The following ELP4 variants were observed in gnomAD, a reference collection of about 807,000 sequenced individuals.
ELP4 encodes the protein elongator acetyltransferase complex subunit 4, also known as elongator complex protein 4.
Under a neutral mutation model 48.9 loss-of-function variants are expected in ELP4, and 51 were observed. That is an observed-to-expected ratio of 1.04 (90% CI 0.83 to 1.32). The LOEUF (loss-of-function observed/expected upper bound fraction) is 1.32, where lower values mean the gene tolerates loss of function less well. Ranked by LOEUF, ELP4 falls within the 40% of genes most tolerant of loss-of-function variation. The pLI, the probability that ELP4 is intolerant of heterozygous loss-of-function variation, is 0.00. For synonymous variants in ELP4, 210 were observed against 189.2 expected (o/e 1.11, Z -0.90); for missense variants, 519 against 514.6 (o/e 1.01, Z -0.08).
intron 3 of ELP4, among the ~76,000 whole-genome samples, chr11:31,541,135 A>T (rs573196647): frequency 1.3e-5 from 2 of 152,384 alleles, no homozygotes; most frequent in Non-Finnish European, 2.9e-5. Context: ...CATAATAAAT[A>T]CTAATTCATA....
chr11:31,539,398 A>G (rs1408274437), intron 2 of ELP4, among the ~76,000 whole-genome samples: 3 of 152,134 alleles, frequency 2.0e-5, no homozygotes, highest in Non-Finnish European at 4.4e-5. Flanking sequence ...GCTTGCAGTG[A>G]GCCGAGATTG....
chr11:31,594,685 T>C, intron 3 of ELP4, 85 bp from the exon 4 acceptor site: 1 of 866,598 alleles, frequency 1.2e-6, no homozygotes, highest in Non-Finnish European at 1.7e-6. Flanking sequence ...ACATTGGAAA[T>C]TTCTAGTGTT....
chr11:31,511,932 G>C (rs1408970675), intron 1 of ELP4: 1 of 152,176 alleles, frequency 6.6e-6, no homozygotes, highest in Admixed American at 6.5e-5. Context: ...AACAGTATTG[G>C]TTGTTGAATA....
At chr11:31,738,595 G>A (rs1947374275) in intron 9 of ELP4, among the ~76,000 whole-genome samples, 1 of 152,038 alleles carries the variant, frequency 6.6e-6, no homozygotes, top group Non-Finnish European at 1.5e-5. Flanking sequence ...AGTTTGCCGA[G>A]CATGGTGGAA....
In ELP4 at chr11:31,758,491, C is replaced by T. The variant is rs1228730282; in HGVS notation, c.1144-24902C>T. Among the ~76,000 whole-genome samples, 3 of 152,254 alleles carry T rather than the reference C, an allele frequency of 2.0e-5. No individual in the cohort carries two copies. In the East Asian group the frequency reaches 5.8e-4, roughly 29 times the overall value. ...TGCCCTGTGTTTCAACTGGACTAGACTATTATGACCATGGACGTTGTCAAC... is the reference window on the plus strand; with the variant it reads ...TGCCCTGTGTTTCAACTGGACTAGATTATTATGACCATGGACGTTGTCAAC... On this transcript the variant is annotated intron_variant, in intron 9 of 9. Transcript: ENST00000640961.
intron 3 of ELP4, among the ~76,000 whole-genome samples, chr11:31,579,679 G>A (rs528380878): frequency 2.0e-5 from 3 of 151,070 alleles, no homozygotes; most frequent in African/African-American, 2.4e-5. Flanking sequence ...GCAAAGTATC[G>A]CAAGGACAAA....
chr11:31,693,269 A>T (rs1182127051), intron 9 of ELP4, among the ~76,000 whole-genome samples: 2 of 151,974 alleles, frequency 1.3e-5, no homozygotes, highest in Admixed American at 1.3e-4. Flanking sequence ...TTAACTCGTC[A>T]TTTACATTAG....
intron 5 of ELP4, among the ~76,000 whole-genome samples, chr11:31,612,277 C>A (rs1957995688): frequency 6.6e-6 from 1 of 152,172 alleles, no homozygotes; most frequent in East Asian, 1.9e-4. Context: ...GTACTGATGA[C>A]TTCTCTTAGT....
chr11:31,614,113 A>G (rs967279581), intron 5 of ELP4, among the ~76,000 whole-genome samples: 4 of 152,180 alleles, frequency 2.6e-5, no homozygotes, highest in Admixed American at 6.6e-5. Flanking sequence ...CTCACATCAT[A>G]TTATATTTCC....
At chr11:31,558,390 C>A (rs1956961790) in intron 3 of ELP4, among the ~76,000 whole-genome samples, 1 of 152,172 alleles carries the variant, frequency 6.6e-6, no homozygotes, top group South Asian at 2.1e-4. Flanking sequence ...GACTCTCCAA[C>A]TCTCTATCAC....
intron 9 of ELP4, among the ~76,000 whole-genome samples, chr11:31,773,915 C>T (rs1270396542): frequency 6.6e-6 from 1 of 152,168 alleles, no homozygotes; most frequent in African/African-American, 2.4e-5. Flanking sequence ...CATGGTGGCT[C>T]ATACCTGTAA....
chr11:31,664,327 A>G (rs1384550482), intron 9 of ELP4: 2 of 152,104 alleles, frequency 1.3e-5, no homozygotes, highest in Admixed American at 6.6e-5. Flanking sequence ...ATTAATGAGG[A>G]TGGATAATAC....
rs568607002 is a variant in ELP4, at chr11:31,602,551, G to A, written c.514-1217G>A. Among the ~76,000 whole-genome samples, 113 of 151,906 alleles carry A rather than the reference G, an allele frequency of 7.4e-4. 1 individual carries two copies. The highest frequency in any genetic ancestry group is 2.5e-3 in the African/African-American group (102 of 41,488). On this transcript the variant is annotated intron_variant, in intron 4 of 9. Transcript: ENST00000640961. ...GGTCATTTCATTTTAAAAAATAAAT[G>A]TCAAACCCACAGACTCTGAATCTGA...
intron 9 of ELP4, among the ~76,000 whole-genome samples, chr11:31,711,408 T>C (rs1244403466): frequency 1.3e-5 from 2 of 152,148 alleles, no homozygotes; most frequent in Non-Finnish European, 2.9e-5. Flanking sequence ...GTCAGACCCA[T>C]CTGAATCATT....
chr11:31,606,457 C>A (rs7937261), intron 5 of ELP4, among the ~76,000 whole-genome samples: 152,192 of 152,200 alleles, frequency 1, 76,092 homozygotes, highest in Non-Finnish European at 1. Flanking sequence ...TGAAGGTGCT[C>A]TTAAAACATG....
chr11:31,725,918 A>G (rs1280008215), intron 9 of ELP4, among the ~76,000 whole-genome samples: 2 of 152,190 alleles, frequency 1.3e-5, no homozygotes, highest in Non-Finnish European at 2.9e-5. Flanking sequence ...TTTTTGATGC[A>G]GCGTCAAGTT....
In ELP4 at chr11:31,632,308, A is replaced by G. The variant is rs779476801; in HGVS notation, c.830A>G (p.Asn277Ser). Reference sequence around the variant, plus strand: ...ATTTGCTGTGCAGAAAATGGTGGCAACAGTCACAGCCTTACCAAGTTCCTC... The same window carrying G: ...ATTTGCTGTGCAGAAAATGGTGGCAGCAGTCACAGCCTTACCAAGTTCCTC... ...DDICCAENGGNSHSLTKFLYV... is the reference protein window; with the variant it reads ...DDICCAENGGSSHSLTKFLYV... Residue 277 changes from asparagine (N) to serine (S), a missense_variant, in exon 7 of 10, where the codon AAC becomes AGC. Physicochemically the swap from Asn to Ser is conservative, Grantham distance 46. Transcript: ENST00000640961. 10 of 1,613,312 alleles carry G rather than the reference A, an allele frequency of 6.2e-6. No individual in the cohort carries two copies. In the South Asian group the frequency reaches 1.1e-4, roughly 18 times the overall value.
intron 5 of ELP4, among the ~76,000 whole-genome samples, chr11:31,606,566 C>G (rs917793691): frequency 6.6e-6 from 1 of 152,100 alleles, no homozygotes; most frequent in Non-Finnish European, 1.5e-5. Context: ...AAAATTCATA[C>G]ATACAGTTTA....
At chr11:31,577,143 AATACT>A (rs929340092) in intron 3 of ELP4, among the ~76,000 whole-genome samples, 3 of 152,204 alleles carry the variant, frequency 2.0e-5, no homozygotes, top group African/African-American at 7.2e-5. Context: ...ACCATCAGAG[AATACT>A]ATAAACACCT....
Sources: allele counts gnomAD v4.1 joint callset (sites outside exome capture counted in the v4.1 genomes callset), GRCh38; gene constraint gnomAD v4.1.1; transcripts MANE v1.5; gene names NCBI Gene and HGNC (gene_info 2026-07-23, HGNC 2026-07-21).